Variants in PPP1R9A observed in about 807,000 individuals in gnomAD.
PPP1R9A encodes the protein neurabin-1.
Under a neutral mutation model 141.9 loss-of-function variants are expected in PPP1R9A, and 59 were observed. The observed-to-expected ratio is 0.42, with a 90% CI of 0.34 to 0.52. The LOEUF (loss-of-function observed/expected upper bound fraction) is 0.52, where lower values mean the gene tolerates loss of function less well. Ranked by LOEUF, PPP1R9A falls within the 20% of genes least tolerant of loss-of-function variation. The probability of loss-of-function intolerance (pLI) is 0.10; values close to 1 mark genes in which losing one functional copy is unlikely to be tolerated. For synonymous variants in PPP1R9A, 500 were observed against 569.7 expected (o/e 0.88, Z 1.74); for missense variants, 1,444 against 1,611.9 (o/e 0.90, Z 1.78).
chr7:95,149,761 A>G (rs1433128706), intron 4 of PPP1R9A, among the ~76,000 whole-genome samples: 1 of 98,028 alleles, frequency 1.0e-5, no homozygotes, highest in Non-Finnish European at 2.8e-5. Flanking sequence ...TTCATGGATA[A>G]GAAGATGTCA....
At chr7:95,274,480 G>A (rs1242971311) in intron 16 of PPP1R9A, among the ~76,000 whole-genome samples, 1 of 152,152 alleles carries the variant, frequency 6.6e-6, no homozygotes, top group Non-Finnish European at 1.5e-5. Flanking sequence ...ATATTTATGT[G>A]ATACTTCAGA....
chr7:95,247,879 TATAA>T (rs1181775071), intron 9 of PPP1R9A, among the ~76,000 whole-genome samples: 2 of 152,186 alleles, frequency 1.3e-5, no homozygotes, highest in African/African-American at 4.8e-5. Flanking sequence ...CTTACCTTAT[TATAA>T]ATAGATTTAA....
Position 95,161,943 on chromosome 7 carries a change from G to T in PPP1R9A, c.1726G>T (p.Val576Phe). Residue 576 changes from valine (V) to phenylalanine (F), a missense_variant, in exon 5 of 20, where the codon GTT (valine) becomes TTT (phenylalanine). Physicochemically the swap from Val to Phe is conservative, Grantham distance 50. Coordinates refer to ENST00000433360, the MANE Select transcript of PPP1R9A (RefSeq NM_001166160.2). Reference sequence around the variant, plus strand: ...TGTGACACAGAATTTTGCAGCAACAGTTCTCAGAAACACCAAGGGCAACGT... The same window carrying T: ...TGTGACACAGAATTTTGCAGCAACATTTCTCAGAAACACCAAGGGCAACGT... Reference protein sequence around the residue: ...VGVTQNFAATVLRNTKGNVRF... With the variant: ...VGVTQNFAATFLRNTKGNVRF... 1.2e-6 allele frequency: 2 copies of T among 1,610,252 alleles called. No individual in the cohort carries two copies. Among genetic ancestry groups the T allele is most frequent in the Non-Finnish European group, 1.7e-6 (2 of 1,177,720 alleles).
intron 2 of PPP1R9A, among the ~76,000 whole-genome samples, chr7:95,073,139 C>G (rs949847837): frequency 1.6e-4 from 24 of 150,684 alleles, no homozygotes; most frequent in African/African-American, 5.6e-4. Context: ...GCATCCACCA[C>G]CACACCCAGC....
At chr7:95,188,369 G>A (rs186486824) in intron 5 of PPP1R9A, among the ~76,000 whole-genome samples, 1 of 152,174 alleles carries the variant, frequency 6.6e-6, no homozygotes, top group East Asian at 1.9e-4. Flanking sequence ...AAGTTTATGT[G>A]AATCCTTATG....
chr7:94,920,365 A>T (rs1235190419), intron 2 of PPP1R9A, among the ~76,000 whole-genome samples: 4 of 100,972 alleles, frequency 4.0e-5, no homozygotes, highest in Admixed American at 1.9e-4. Context: ...AAATATTGAT[A>T]ATTTTTTTTT....
chr7:94,928,134 T>A (rs1414134222), intron 2 of PPP1R9A, among the ~76,000 whole-genome samples: 2 of 152,124 alleles, frequency 1.3e-5, no homozygotes, highest in African/African-American at 2.4e-5. Flanking sequence ...GAGTTGAAGC[T>A]TTAAAGATGA....
At chr7:95,267,063 G>C (rs1801412201) in intron 12 of PPP1R9A, among the ~76,000 whole-genome samples, 1 of 152,086 alleles carries the variant, frequency 6.6e-6, no homozygotes, top group African/African-American at 2.4e-5. Flanking sequence ...GAAATGAAAA[G>C]TCAAAACCTT....
chr7:95,142,517 G>A (rs1046299960), intron 4 of PPP1R9A, among the ~76,000 whole-genome samples: 1 of 151,900 alleles, frequency 6.6e-6, no homozygotes, highest in Admixed American at 6.6e-5. Flanking sequence ...ATCCATTTTA[G>A]TTAATTTTGT....
intron 2 of PPP1R9A, among the ~76,000 whole-genome samples, chr7:95,045,890 G>A (rs1358495758): frequency 6.6e-6 from 1 of 152,148 alleles, no homozygotes; most frequent in East Asian, 1.9e-4. Flanking sequence ...GAGAAAATGG[G>A]CTTATAATGG....
intron 12 of PPP1R9A, among the ~76,000 whole-genome samples, chr7:95,259,278 C>A (rs997261518): frequency 1.3e-5 from 2 of 150,562 alleles, no homozygotes; most frequent in Admixed American, 6.6e-5. Flanking sequence ...GATGGAGGTA[C>A]ATGGTTGTCT....
intron 2 of PPP1R9A, among the ~76,000 whole-genome samples, chr7:95,108,237 A>G (rs1413589669): frequency 1.3e-5 from 2 of 150,478 alleles, no homozygotes; most frequent in African/African-American, 4.9e-5. Flanking sequence ...CCTATAAGTA[A>G]GCTGAAGATG....
At chr7:94,951,778 T>TG in intron 2 of PPP1R9A, among the ~76,000 whole-genome samples, 1 of 152,144 alleles carries the variant, frequency 6.6e-6, no homozygotes, top group East Asian at 1.9e-4. Context: ...AAGCAGTTTT[T>TG]GTAATACTAG....
intron 2 of PPP1R9A, among the ~76,000 whole-genome samples, chr7:95,058,935 G>A (rs983022610): frequency 2.6e-5 from 4 of 151,996 alleles, no homozygotes; most frequent in Admixed American, 2.6e-4. Flanking sequence ...GATTGTAGGC[G>A]TGTGCCACCA....
intron 6 of PPP1R9A, among the ~76,000 whole-genome samples, chr7:95,200,480 A>G (rs956965726): frequency 3.3e-5 from 5 of 151,664 alleles, no homozygotes; most frequent in South Asian, 2.1e-4. Flanking sequence ...AGGTCTCACT[A>G]TGTTGTCCAG....
At chr7:94,934,157 T>C (rs898232113) in intron 2 of PPP1R9A, among the ~76,000 whole-genome samples, 8 of 152,124 alleles carry the variant, frequency 5.3e-5, no homozygotes, top group African/African-American at 1.7e-4. Flanking sequence ...CCAGGAATTA[T>C]TTGAATGTAG....
At chr7:95,111,657 T>C (rs1031349784) in intron 3 of PPP1R9A, among the ~76,000 whole-genome samples, 1 of 152,142 alleles carries the variant, frequency 6.6e-6, no homozygotes, top group East Asian at 1.9e-4. Context: ...TAATGCTTTG[T>C]TGGTATTCCT....
intron 4 of PPP1R9A, among the ~76,000 whole-genome samples, chr7:95,154,168 CTT>C (rs1490705786): frequency 2.0e-5 from 3 of 151,734 alleles, no homozygotes; most frequent in South Asian, 4.2e-4. Context: ...CAACTTTCCT[CTT>C]AGCACTGCAT....
intron 5 of PPP1R9A, among the ~76,000 whole-genome samples, chr7:95,193,693 G>T (rs1402457731): frequency 5.3e-5 from 8 of 151,942 alleles, no homozygotes; most frequent in Non-Finnish European, 1.0e-4. Context: ...TATATAACCT[G>T]TTATAATCTG....
Sources: gnomAD v4.1 joint callset for allele counts (sites outside exome capture counted in the v4.1 genomes callset) on GRCh38, gnomAD v4.1.1 for gene constraint, MANE v1.5 for transcripts, NCBI Gene and HGNC (gene_info 2026-07-23, HGNC 2026-07-21) for gene names.